The following KIR3DL1 variants were observed in gnomAD, a reference collection of about 807,000 sequenced individuals.
KIR3DL1 encodes the protein killer cell immunoglobulin like receptor, three Ig domains and long cytoplasmic tail 1, also known as killer cell immunoglobulin-like receptor 3DL1.
KIR3DL1 carries 50 observed loss-of-function variants against 40.3 expected under a neutral mutation model. That is an observed-to-expected ratio of 1.24 (90% confidence interval 0.99 to 1.57). The LOEUF is 1.57. KIR3DL1 is among the 40% of genes most tolerant of loss of function. KIR3DL1 has a pLI of 0.00. For missense variants in KIR3DL1, 661 were observed against 559.9 expected (o/e 1.18, Z -1.82); for synonymous variants, 257 against 207.2 (o/e 1.24, Z -2.07).
At chr19:54,827,603 A>G (rs1383231367) in intron 6 of KIR3DL1, among the ~76,000 whole-genome samples, 1 of 150,666 alleles carries the variant, frequency 6.6e-6, no homozygotes, top group Non-Finnish European at 1.5e-5. Flanking sequence ...TGACACAAGG[A>G]GACTCCATCT....
intron 4 of KIR3DL1, among the ~76,000 whole-genome samples, chr19:54,821,085 TAG>T (rs376706238): frequency 2.7e-5 from 4 of 149,012 alleles, no homozygotes; most frequent in Admixed American, 6.7e-5. Flanking sequence ...AGAGAGGTAA[TAG>T]AGAGAGAGAT....
intron 4 of KIR3DL1, among the ~76,000 whole-genome samples, 187 bp downstream of exon 4, chr19:54,820,199 C>G (rs1302058567): frequency 6.6e-6 from 1 of 151,258 alleles, no homozygotes; most frequent in Non-Finnish European, 1.5e-5. Flanking sequence ...GGTGTCATAA[C>G]AGAGGACAGA....
At chr19:54,820,967 T>A (rs192325715) in intron 4 of KIR3DL1, among the ~76,000 whole-genome samples, 31 of 150,254 alleles carry the variant, frequency 2.1e-4, no homozygotes, top group Non-Finnish European at 2.8e-4. Flanking sequence ...GGATTGGTTA[T>A]AGATACATAG....
intron 1 of KIR3DL1, 34 bp downstream of exon 1, chr19:54,816,568 C>G (rs12975219): frequency 6.2e-7 from 1 of 1,603,970 alleles, no homozygotes; most frequent in South Asian, 1.1e-5. Flanking sequence ...GGAGGGAGTG[C>G]GGGGATGGAG....
chr19:54,819,570 G>C lies in KIR3DL1; in HGVS notation c.356-143G>C, dbSNP rs1057358775. On this transcript the variant is annotated intron_variant, in intron 3 of 8. Coordinates refer to ENST00000391728, the Ensembl canonical transcript of KIR3DL1. Reference sequence around the variant, plus strand: ...AGACAGATGGAGGCACCTGCACCAGGGGATATGGGCACAGAAAAGACACGG... The same window carrying C: ...AGACAGATGGAGGCACCTGCACCAGCGGATATGGGCACAGAAAAGACACGG... 57 of 994,212 alleles carry C rather than the reference G, an allele frequency of 5.7e-5. 3 individuals are homozygous for C. The African/African-American group carries it at 8.3e-4, about 14-fold the overall frequency. The allele number at this position is 994,212 out of a possible 1,614,324, so 61.6% of individuals were successfully genotyped here. A position where few individuals can be genotyped will look rare whatever the true frequency, so the allele number is the denominator to read the frequency against.
At chr19:54,829,267 T>A in intron 6 of KIR3DL1, 94 bp from the exon 7 acceptor site, 1 of 1,071,810 alleles carries the variant, frequency 9.3e-7, no homozygotes, top group South Asian at 1.4e-5. Context: ...AAAGAGATGC[T>A]GTAAGTGGTT....
chr19:54,821,483 G>C (rs2061630440), intron 4 of KIR3DL1, 82 bp from the exon 5 acceptor site: 2 of 1,460,074 alleles, frequency 1.4e-6, no homozygotes, highest in Admixed American at 2.0e-5. Context: ...CATAGAGCAG[G>C]GGAGTGAGTT....
At position 54,821,771 on chromosome 19, in the gene KIR3DL1, G is replaced by A. The variant is rs778725239; in HGVS notation, c.862G>A (p.Gly288Arg). Residue 288 changes from glycine (G) to arginine (R), a missense_variant, in exon 5 of 9, where the codon GGA (glycine) becomes AGA (arginine). By Grantham distance (125) the Gly-to-Arg change is moderately radical. Around this residue, in one of 3 missense-constraint regions of KIR3DL1, gnomAD observed 548 missense variants for 413.3 expected, o/e 1.33. Transcript: ENST00000391728. ...TTTCCCTCTGGGCCCTGCCACCCAC[G>A]GAGGGACCTACAGATGCTTCGGCTC... 24 of 1,607,488 alleles carry A rather than the reference G, an allele frequency of 1.5e-5. No homozygotes were observed. The Admixed American group carries it at 3.3e-4, about 22-fold the overall frequency.
Position 54,823,336 on chromosome 19 carries a change from C to G in KIR3DL1, c.949+1478C>G, listed in dbSNP as rs1220369757. 1.1e-4 allele frequency among the ~76,000 whole-genome samples: 17 copies of G among 151,262 alleles called. No homozygotes were observed. The East Asian group carries it at 3.3e-3, about 29-fold the overall frequency. On this transcript the variant is annotated intron_variant, in intron 5 of 8. Transcript: ENST00000391728. The stretch of plus-strand genomic sequence containing the variant: ...ACAGGCATAAGCCACTATGCCCAGC[C>G]TCCTTTTAGTTTTTTAAAGAATTTC...
At chr19:54,824,168 G>A (rs866229210) in intron 5 of KIR3DL1, among the ~76,000 whole-genome samples, 2 of 151,622 alleles carry the variant, frequency 1.3e-5, no homozygotes, top group South Asian at 2.1e-4. Context: ...AATGTCTTTC[G>A]TCAGACAAAT....
chr19:54,830,032 T>C lies in KIR3DL1; in HGVS notation c.1158+52T>C, dbSNP rs750818730. ...GGCTAGTGTTATTCCCAAACAGTCC[T>C]GGAAAACGTGAGCACCCTCCCTCAC... On this transcript the variant is annotated intron_variant, in intron 8 of 8. Coordinates refer to ENST00000391728, the Ensembl canonical transcript of KIR3DL1. 27 of 1,522,728 alleles carry C rather than the reference T, an allele frequency of 1.8e-5. 3 individuals are homozygous for C. The highest frequency in any genetic ancestry group is 2.4e-5 in the Non-Finnish European group (27 of 1,121,952). 94.3% of individuals were successfully genotyped at this position (1,522,728 alleles called of 1,614,324 possible).
intron 3 of KIR3DL1, 29 bp from the exon 4 acceptor site, chr19:54,819,684 C>T (rs1355142802): frequency 5.0e-6 from 8 of 1,596,956 alleles, no homozygotes; most frequent in African/African-American, 1.4e-5. Context: ...AAGAGAGATG[C>T]CTTCTAAACT....
intron 3 of KIR3DL1, among the ~76,000 whole-genome samples, chr19:54,819,206 T>C (rs1412717746): frequency 2.1e-5 from 3 of 142,698 alleles, no homozygotes; most frequent in Admixed American, 7.2e-5. Flanking sequence ...ATGTTTGTGG[T>C]AATTTTCTGC....
intron 5 of KIR3DL1, among the ~76,000 whole-genome samples, chr19:54,824,414 C>A (rs2061781732): frequency 6.6e-6 from 1 of 151,506 alleles, no homozygotes; most frequent in East Asian, 1.9e-4. Context: ...TGGTGGCTCA[C>A]ACCTGCAATT....
chr19:54,818,655 T>C, intron 3 of KIR3DL1, 56 bp downstream of exon 3: 2 of 1,571,448 alleles, frequency 1.3e-6, no homozygotes, highest in Non-Finnish European at 1.7e-6. Flanking sequence ...TCCCAGAGCT[T>C]CTGGTGGGGG....
exon 5 of KIR3DL1, chr19:54,821,592 C>A: frequency 6.2e-7 from 1 of 1,607,736 alleles, no homozygotes; most frequent in Non-Finnish European, 8.5e-7. Flanking sequence ...TCTCTCTCAG[C>A]CCAGCCGGGC....
At chr19:54,822,294 C>T (rs185944096) in intron 5 of KIR3DL1, among the ~76,000 whole-genome samples, 1 of 150,896 alleles carries the variant, frequency 6.6e-6, no homozygotes, top group African/African-American at 2.5e-5. Context: ...TAATTTACCA[C>T]CTTTACCATT....
chr19:54,825,604 G>A (rs752643365), intron 6 of KIR3DL1, among the ~76,000 whole-genome samples: 3 of 149,190 alleles, frequency 2.0e-5, no homozygotes, highest in Non-Finnish European at 4.4e-5. Flanking sequence ...CTGTGCAGTT[G>A]GAATCCTTTC....
intron 5 of KIR3DL1, among the ~76,000 whole-genome samples, chr19:54,822,147 T>G (rs1291248698): frequency 6.6e-6 from 1 of 151,094 alleles, no homozygotes; most frequent in Non-Finnish European, 1.5e-5. Flanking sequence ...AGAGGTTCCC[T>G]CAGCCCCTCA....
Sources: allele counts gnomAD v4.1 joint callset (sites outside exome capture counted in the v4.1 genomes callset), GRCh38; gene constraint gnomAD v4.1.1; regional missense constraint gnomAD v4.1.1; transcripts MANE v1.5; gene names NCBI Gene and HGNC (gene_info 2026-07-23, HGNC 2026-07-21).